Variants in SPACA7 observed in about 807,000 individuals in gnomAD.
The protein encoded by SPACA7 is sperm acrosome-associated protein 7.
In SPACA7, 19 loss-of-function variants were observed where a neutral mutation model predicts 26.3. The ratio of observed to expected loss-of-function variants is 0.72; its 90% CI spans 0.50 to 1.06. SPACA7 has a LOEUF of 1.06. Among genes scored for constraint, SPACA7 ranks in the 50% least tolerant of loss-of-function variants. The pLI, the probability that SPACA7 is intolerant of heterozygous loss-of-function variation, is 0.00. For missense variants in SPACA7, 211 were observed against 229.9 expected (o/e 0.92, Z 0.53); for synonymous variants, 84 against 84.5 (o/e 0.99, Z 0.04).
At chr13:112,432,385 G>C (rs1328527376) in intron 5 of SPACA7, 59 bp from the exon 6 acceptor site, 10 of 1,381,762 alleles carry the variant, frequency 7.2e-6, no homozygotes, top group Non-Finnish European at 9.3e-6. Context: ...AAGGAAAAGT[G>C]GAATCATGCC....
intron 5 of SPACA7, among the ~76,000 whole-genome samples, chr13:112,417,564 T>C (rs1886769708): frequency 6.6e-6 from 1 of 152,202 alleles, no homozygotes; most frequent in African/African-American, 2.4e-5. Flanking sequence ...ATTCAATTTC[T>C]AAAAGGAGCC....
At chr13:112,382,548 C>T (rs766077348) in intron 1 of SPACA7, 2 of 1,543,878 alleles carry the variant, frequency 1.3e-6, no homozygotes, top group African/African-American at 2.7e-5. Context: ...CTGGGCGACA[C>T]ATGCAGGCCT....
intron 5 of SPACA7, among the ~76,000 whole-genome samples, chr13:112,404,096 G>T (rs967442225): frequency 6.6e-6 from 1 of 152,032 alleles, no homozygotes; most frequent in African/African-American, 2.4e-5. Context: ...ATTATTTTTT[G>T]ATTTTTTGAT....
At position 112,434,520 on chromosome 13, in the gene SPACA7, G is replaced by A. The variant is rs766125009; in HGVS notation, c.559G>A (p.Ala187Thr). Residue 187 changes from alanine (A) to threonine (T), a missense_variant, in exon 7 of 7, where the codon GCA becomes ACA. Physicochemically the swap from Ala to Thr is moderately conservative, Grantham distance 58. Transcript: ENST00000283550. ...CCATAAAGAGCAGCAGAGGACCAGC[G>A]CACAGAGGAGGAGCCAAGGCAGTCA... The part of the protein sequence containing the change: ...IFHKEQQRTS[A>T]QRRSQGSQ The A allele has an allele frequency of 3.9e-5, 63 of 1,610,224 alleles. No individual in the cohort carries two copies. Among genetic ancestry groups the A allele is most frequent in the East Asian group, 1.6e-4 (7 of 44,750 alleles).
rs1566446618 is a variant in SPACA7 at position 112,376,436 on chromosome 13, C to T, written c.51C>T (p.Cys17=). Residue 17 remains cysteine, a synonymous_variant, in exon 1 of 7, where the codon TGC becomes TGT. Transcript: ENST00000283550. ...CCCTCTGCTTTGTCCTCCTGCTGTG[C>T]TGTTGGCAAGAAACTGAGCTCCGGC... is the stretch of plus-strand genomic sequence containing the variant. The part of the protein sequence containing the change: ...DGTLCFVLLL[C]CWQETELRPR... 1 of 1,613,830 alleles carries T rather than the reference C, an allele frequency of 6.2e-7. No individual in the cohort carries two copies. The highest frequency in any genetic ancestry group is 1.7e-5 in the Admixed American group (1 of 59,986).
Position 112,399,076 on chromosome 13 carries a change from T to A in SPACA7, c.252T>A (p.Ile84=), listed in dbSNP as rs1396483106. 1.2e-6 allele frequency: 2 copies of A among 1,600,140 alleles called. No individual in the cohort carries two copies. Among genetic ancestry groups the A allele is most frequent in the East Asian group, 4.5e-5 (2 of 44,844 alleles). Residue 84 remains isoleucine, a synonymous_variant, in exon 4 of 7, where the codon ATT becomes ATA. Transcript: ENST00000283550. ...TGTTCTTCATTGAAGATGCTGGTAT[T>A]GATGAGAATTATCAAGCTGGTGGTT... ...STLSTPLHAG[I]DENYQAGGSE...
chr13:112,376,605 G>A (rs1460091658), intron 1 of SPACA7, 126 bp downstream of exon 1: 9 of 995,578 alleles, frequency 9.0e-6, no homozygotes, highest in African/African-American at 1.6e-5. Flanking sequence ...CTTGGGGAAT[G>A]AATGTAGCTG....
rs144344744 is a variant in SPACA7 at position 112,390,972 on chromosome 13, T to C, written c.95-2049T>C. Among the ~76,000 whole-genome samples the C allele has an allele frequency of 3.3e-3, 503 of 152,310 alleles. 1 individual carries two copies. The highest frequency in any genetic ancestry group is 0.012 in the African/African-American group (480 of 41,572). ...CCAGTGGTCTCTCACCAGGAAGGAA[T>C]GCTGGGGGTGCTGCACTGTTTAAAC... is the stretch of plus-strand genomic sequence containing the variant. On this transcript the variant is annotated intron_variant, in intron 1 of 6. Coordinates refer to ENST00000283550, the MANE Select transcript of SPACA7 (RefSeq NM_145248.5).
chr13:112,428,504 C>T (rs1358857515), intron 5 of SPACA7, among the ~76,000 whole-genome samples: 1 of 152,098 alleles, frequency 6.6e-6, no homozygotes, highest in Non-Finnish European at 1.5e-5. Flanking sequence ...CACTTGACCC[C>T]AGGCAGCAGA....
chr13:112,409,306 C>T (rs1441115798), intron 5 of SPACA7, among the ~76,000 whole-genome samples: 11 of 152,172 alleles, frequency 7.2e-5, no homozygotes, highest in Non-Finnish European at 1.6e-4. Context: ...TAGGCATGGG[C>T]AAGGACTTCA....
chr13:112,404,589 T>C (rs908766845), intron 5 of SPACA7, among the ~76,000 whole-genome samples: 85 of 152,242 alleles, frequency 5.6e-4, no homozygotes, highest in African/African-American at 2.0e-3. Flanking sequence ...AGTTGATTTT[T>C]GTATAAGCTG....
At chr13:112,396,069 C>T (rs554954860) in intron 2 of SPACA7, among the ~76,000 whole-genome samples, 2 of 137,118 alleles carry the variant, frequency 1.5e-5, no homozygotes, top group African/African-American at 5.0e-5. Flanking sequence ...AGCAGGAACG[C>T]GCCTCCTCAC....
At chr13:112,392,498 C>T (rs1884956499) in intron 1 of SPACA7, among the ~76,000 whole-genome samples, 2 of 152,146 alleles carry the variant, frequency 1.3e-5, no homozygotes, top group African/African-American at 4.8e-5. Context: ...TAAAACAGAG[C>T]CATGAAGCCA....
intron 2 of SPACA7, among the ~76,000 whole-genome samples, chr13:112,396,016 C>A (rs1885225208): frequency 1.4e-5 from 2 of 146,482 alleles, no homozygotes; most frequent in Non-Finnish European, 3.1e-5. Context: ...GGTGGCTCGG[C>A]CCCCCGCCTC....
chr13:112,388,956 C>T (rs566482084), intron 1 of SPACA7, among the ~76,000 whole-genome samples: 2 of 152,108 alleles, frequency 1.3e-5, no homozygotes, highest in Admixed American at 1.3e-4. Flanking sequence ...CTGGGTGGTG[C>T]CAGCTGATCC....
intron 2 of SPACA7, among the ~76,000 whole-genome samples, chr13:112,395,656 GACAGGGTTTC>G (rs1321773069): frequency 6.6e-6 from 1 of 152,030 alleles, no homozygotes; most frequent in Non-Finnish European, 1.5e-5. Flanking sequence ...TTTTTAGTAG[GACAGGGTTTC>G]ACCATATTGG....
chr13:112,385,587 T>C (rs1474011103), intron 1 of SPACA7, among the ~76,000 whole-genome samples: 4 of 152,134 alleles, frequency 2.6e-5, no homozygotes, highest in African/African-American at 9.7e-5. Flanking sequence ...AGTAGGTAAA[T>C]TGAACAATTT....
rs776007588 is a variant in SPACA7 at position 112,434,579 on chromosome 13, G to A, written c.*30G>A. 4 of 1,571,830 alleles carry A rather than the reference G, an allele frequency of 2.5e-6. No individual in the cohort carries two copies. The highest frequency in any genetic ancestry group is 2.3e-5 in the South Asian group (2 of 86,192). On this transcript the variant is annotated 3_prime_UTR_variant, in exon 7 of 7. Transcript: ENST00000283550. ...GCAGCCCCAGACCCCCTGCGCAGGA[G>A]AGGAGCCTGCTAGAACCCCCACCCA...
intron 1 of SPACA7, among the ~76,000 whole-genome samples, chr13:112,383,060 GAGAC>G (rs1329733571): frequency 3.9e-5 from 5 of 128,280 alleles, no homozygotes; most frequent in African/African-American, 1.4e-4. Context: ...AGGAAAGAAA[GAGAC>G]AGAAAGAGAA....
Sources: allele counts gnomAD v4.1 joint callset (sites outside exome capture counted in the v4.1 genomes callset), GRCh38; gene constraint gnomAD v4.1.1; transcripts MANE v1.5; gene names NCBI Gene and HGNC (gene_info 2026-07-23, HGNC 2026-07-21).